OGDH: variants seen among roughly 807,000 people sequenced by gnomAD.
OGDH encodes the protein 2-oxoglutarate dehydrogenase complex component E1.
In OGDH, 38 loss-of-function variants were observed where a neutral mutation model predicts 116.6. That is an observed-to-expected ratio of 0.33 (90% confidence interval 0.25 to 0.43). The LOEUF (loss-of-function observed/expected upper bound fraction) is 0.43, where lower values mean the gene tolerates loss of function less well. Among genes scored for constraint, OGDH ranks in the 20% least tolerant of loss-of-function variants. The pLI is 1.00. For missense variants in OGDH, 825 were observed against 1,357.2 expected, an observed-to-expected ratio of 0.61 and a Z score of 6.16; for synonymous variants, 488 against 533.3, an observed-to-expected ratio of 0.92 and a Z score of 1.17.
At chr7:44,681,254 T>G (rs1477805098) in intron 9 of OGDH, among the ~76,000 whole-genome samples, 1 of 152,228 alleles carries the variant, frequency 6.6e-6, no homozygotes, top group East Asian at 1.9e-4. Context: ...AGAGTTAACC[T>G]GACCTGATGC....
intron 10 of OGDH, 34 bp from the exon 11 acceptor site, chr7:44,693,791 G>A (rs765160381): frequency 1.3e-6 from 2 of 1,536,208 alleles, no homozygotes; most frequent in Admixed American, 1.8e-5. Flanking sequence ...GGCTGTGCCA[G>A]GTGCCCTCTT....
chr7:44,698,454 CAG>C (rs1202266397), intron 18 of OGDH, among the ~76,000 whole-genome samples, 191 bp downstream of exon 18: 2 of 152,132 alleles, frequency 1.3e-5, no homozygotes, highest in Non-Finnish European at 2.9e-5. Context: ...GAGACTTCCT[CAG>C]AGCACAGAGG....
intron 2 of OGDH, among the ~76,000 whole-genome samples, chr7:44,635,789 C>T (rs561661706): frequency 2.7e-4 from 41 of 152,024 alleles, no homozygotes; most frequent in African/African-American, 9.2e-4. Flanking sequence ...ACTGCAACCT[C>T]CGACTCCCTG....
chr7:44,623,692 C>T (rs1785089854), intron 1 of OGDH, among the ~76,000 whole-genome samples: 1 of 100,440 alleles, frequency 1.0e-5, no homozygotes, highest in Non-Finnish European at 2.6e-5. Flanking sequence ...TGTTGCTAGG[C>T]TGGAGTGCAG....
intron 4 of OGDH, among the ~76,000 whole-genome samples, chr7:44,651,153 C>G (rs1425279309): frequency 6.6e-6 from 1 of 152,214 alleles, no homozygotes; most frequent in East Asian, 1.9e-4. Flanking sequence ...AAACAGTCTG[C>G]CAGCTGAGCA....
chr7:44,671,484 C>A (rs1356012604), intron 5 of OGDH, among the ~76,000 whole-genome samples: 2 of 152,194 alleles, frequency 1.3e-5, no homozygotes, highest in Non-Finnish European at 2.9e-5. Flanking sequence ...TCTTAAATAG[C>A]CGGGCGCGGT....
intron 4 of OGDH, among the ~76,000 whole-genome samples, chr7:44,650,907 C>T (rs192028449): frequency 1.3e-5 from 2 of 152,320 alleles, no homozygotes; most frequent in Non-Finnish European, 2.9e-5. Context: ...TCTTGCCATG[C>T]CTCCGCTTAG....
At chr7:44,639,897 A>G (rs1463161379) in intron 2 of OGDH, among the ~76,000 whole-genome samples, 1 of 152,238 alleles carries the variant, frequency 6.6e-6, no homozygotes, top group African/African-American at 2.4e-5. Flanking sequence ...CAGTACCGGT[A>G]TGAACCAGTT....
chr7:44,690,289 G>A (rs779513659), intron 10 of OGDH, among the ~76,000 whole-genome samples: 4 of 152,188 alleles, frequency 2.6e-5, no homozygotes, highest in South Asian at 2.1e-4. Context: ...GCTAGTGAAC[G>A]AGTTGTCAGG....
At chr7:44,664,847 C>G (rs888174021) in intron 4 of OGDH, among the ~76,000 whole-genome samples, 1 of 152,024 alleles carries the variant, frequency 6.6e-6, no homozygotes, top group Admixed American at 6.6e-5. Context: ...CAGTATAGCC[C>G]AAGAACTATG....
chr7:44,608,136 C>G (rs1784426722), intron 1 of OGDH, among the ~76,000 whole-genome samples: 1 of 152,166 alleles, frequency 6.6e-6, no homozygotes, highest in South Asian at 2.1e-4. Flanking sequence ...GTCGTGGTGG[C>G]TCACGTTTGT....
At chr7:44,677,760 G>A (rs1361688304) in intron 9 of OGDH, among the ~76,000 whole-genome samples, 1 of 151,990 alleles carries the variant, frequency 6.6e-6, no homozygotes, top group African/African-American at 2.4e-5. Flanking sequence ...TGTAGTCTCA[G>A]CTACTCAGGA....
chr7:44,626,358 C>G (rs1585238300), intron 2 of OGDH, among the ~76,000 whole-genome samples: 1 of 151,676 alleles, frequency 6.6e-6, no homozygotes, highest in South Asian at 2.1e-4. Flanking sequence ...CACACACACA[C>G]ACCCCTACAC....
chr7:44,693,963 G>C lies in OGDH; in HGVS notation c.1474G>C (p.Glu492Gln). ...CATGTACGTGTGCAAAGTGGCGGCC[G>C]AGTGGAGGAGCACCTTCCACAAGGA... ...AVMYVCKVAA[E>Q]WRSTFHKDVV... The change falls in exon 11 of 23, where the codon GAG (glutamate) becomes CAG (glutamine). Residue 492 changes from glutamate (E) to glutamine (Q), a missense_variant. By Grantham distance (29) the Glu-to-Gln change is conservative (BLOSUM62 2). Around this residue, in one of 7 missense-constraint regions of OGDH, gnomAD observed 146 missense variants for 317.3 expected, o/e 0.46. Coordinates refer to ENST00000222673, the MANE Select transcript of OGDH (RefSeq NM_002541.4). 1 of 1,614,004 alleles carries C rather than the reference G, an allele frequency of 6.2e-7. No individual in the cohort carries two copies. Among genetic ancestry groups the C allele is most frequent in the Non-Finnish European group, 8.5e-7 (1 of 1,179,912 alleles).
At chr7:44,668,209 C>T (rs1233790057) in intron 5 of OGDH, among the ~76,000 whole-genome samples, 1 of 152,152 alleles carries the variant, frequency 6.6e-6, no homozygotes, top group Non-Finnish European at 1.5e-5. Flanking sequence ...GAGGCCGAGA[C>T]AGGTGGATCA....
At chr7:44,689,850 G>A (rs1252189226) in intron 10 of OGDH, among the ~76,000 whole-genome samples, 2 of 152,190 alleles carry the variant, frequency 1.3e-5, no homozygotes, top group East Asian at 3.9e-4. Context: ...TGGTGTCCTT[G>A]GAAGCACAAA....
intron 2 of OGDH, among the ~76,000 whole-genome samples, chr7:44,633,422 G>A (rs906539682): frequency 6.6e-6 from 1 of 152,162 alleles, no homozygotes; most frequent in Non-Finnish European, 1.5e-5. Context: ...CAGCTTCCCC[G>A]CACAGTCTGA....
intron 20 of OGDH, among the ~76,000 whole-genome samples, chr7:44,701,870 G>A (rs1788846334): frequency 6.6e-6 from 1 of 152,108 alleles, no homozygotes; most frequent in Non-Finnish European, 1.5e-5. Context: ...TCGGGAGTTC[G>A]AGACTAGCCT....
intron 2 of OGDH, among the ~76,000 whole-genome samples, chr7:44,625,228 G>A (rs568383986): frequency 1.3e-5 from 2 of 152,238 alleles, no homozygotes; most frequent in Admixed American, 1.3e-4. Flanking sequence ...GGGTTCAAGT[G>A]ATTCTTATGC....
Sources: gnomAD v4.1 joint callset for allele counts (sites outside exome capture counted in the v4.1 genomes callset) on GRCh38, gnomAD v4.1.1 for gene constraint, gnomAD v4.1.1 regional missense constraint, MANE v1.5 for transcripts, NCBI Gene and HGNC (gene_info 2026-07-23, HGNC 2026-07-21) for gene names.